STAT1: variants seen among roughly 807,000 people sequenced by gnomAD.
The protein encoded by STAT1 is signal transducer and activator of transcription 1.
Under a neutral mutation model 111.7 loss-of-function variants are expected in STAT1, and 24 were observed. The observed-to-expected ratio is 0.21, with a 90% CI of 0.16 to 0.30. The LOEUF (loss-of-function observed/expected upper bound fraction) is 0.30. Ranked by LOEUF, STAT1 falls within the 10% of genes least tolerant of loss-of-function variation. The probability of loss-of-function intolerance (pLI) is 1.00; values close to 1 mark genes in which losing one functional copy is unlikely to be tolerated. For missense variants in STAT1, 351 were observed against 911.9 expected (o/e 0.38, Z 7.92); for synonymous variants, 332 against 326.5 (o/e 1.02, Z -0.18).
chr2:190,999,575 G>T lies in STAT1; in HGVS notation c.541+51C>A. On this transcript the variant is annotated intron_variant, in intron 7 of 24. Transcript: ENST00000361099. The surrounding 1 kb of genome is among the most constrained non-coding windows in gnomAD (Gnocchi z 4.1). ...AGTAATCATCTTCGTTATCTAGTGT[G>T]AACAGAAAAAATTGCAGCCAACGGG... 1 of 1,276,666 alleles carries T rather than the reference G, an allele frequency of 7.8e-7. No homozygotes were observed. The highest frequency in any genetic ancestry group is 1.2e-5 in the South Asian group (1 of 84,104). The allele number at this position is 1,276,666 out of a possible 1,614,324, so 79.1% of individuals were successfully genotyped here.
At position 190,985,677 on chromosome 2, in the gene STAT1, C is replaced by A. The variant is rs776229726; in HGVS notation, c.1222-17G>T. 3 of 1,613,548 alleles carry A rather than the reference C, an allele frequency of 1.9e-6. No homozygotes were observed. Among genetic ancestry groups the A allele is most frequent in the South Asian group, 1.1e-5 (1 of 91,040 alleles). ...TTTCAATTGCTATAAAACAAATAAT[C>A]ATCTTAGTAAACACCATGGTAATGG... is the stretch of plus-strand genomic sequence containing the variant. On this transcript the variant is annotated splice_polypyrimidine_tract_variant and intron_variant, in intron 14 of 24. Coordinates refer to ENST00000361099, the MANE Select transcript of STAT1 (RefSeq NM_007315.4).
intron 6 of STAT1, 55 bp downstream of exon 6, chr2:191,001,019 T>G: frequency 1.4e-6 from 2 of 1,421,062 alleles, no homozygotes; most frequent in Non-Finnish European, 9.9e-7. Context: ...AATTGAAACC[T>G]TTTTTCCCCT....
rs375805469 is a variant in STAT1, at chr2:190,989,578, A to C, written c.1097+37T>G. Reference sequence around the variant, plus strand: ...TGAGTAACAAAATCAACATTTCAATAGTACATGTATGTTATATAATGTTAA... The same window carrying C: ...TGAGTAACAAAATCAACATTTCAATCGTACATGTATGTTATATAATGTTAA... On this transcript the variant is annotated intron_variant, in intron 12 of 24. Transcript: ENST00000361099. The surrounding 1 kb of genome is among the most constrained non-coding windows in gnomAD (Gnocchi z 5.0). The C allele has an allele frequency of 1.6e-6, 2 of 1,229,584 alleles. No homozygotes were observed. Among genetic ancestry groups the C allele is most frequent in the Non-Finnish European group, 2.3e-6 (2 of 857,476 alleles). The allele number at this position is 1,229,584 out of a possible 1,614,324, so 76.2% of individuals were successfully genotyped here.
At position 191,007,574 on chromosome 2, in the gene STAT1, T is replaced by C; in HGVS notation, c.361A>G (p.Arg121Gly). The C allele has an allele frequency of 1.2e-6, 2 of 1,612,840 alleles. No individual in the cohort carries two copies. The highest frequency in any genetic ancestry group is 1.7e-6 in the Non-Finnish European group (2 of 1,179,060). Residue 121 changes from arginine (R) to glycine (G), a missense_variant, in exon 5 of 25, where the codon AGA becomes GGA. Around this residue, in one of 7 missense-constraint regions of STAT1, gnomAD observed 44 missense variants for 144.2 expected, o/e 0.31. Coordinates refer to ENST00000361099, the MANE Select transcript of STAT1 (RefSeq NM_007315.4). The surrounding 1 kb of genome is among the most constrained non-coding windows in gnomAD (Gnocchi z 4.2). ...EERKILENAQRFNQAQSGNIQ... is the reference protein window; with the variant it reads ...EERKILENAQGFNQAQSGNIQ... ...TGAGAAAAAAGTACCTGATTAAATCTCTGGGCGTTTTCCAGAATTTTCCTT... is the reference window on the plus strand; with the variant it reads ...TGAGAAAAAAGTACCTGATTAAATCCCTGGGCGTTTTCCAGAATTTTCCTT...
intron 10 of STAT1, among the ~76,000 whole-genome samples, chr2:190,991,556 T>A (rs554739298): frequency 6.6e-6 from 1 of 152,160 alleles, no homozygotes; most frequent in African/African-American, 2.4e-5. Context: ...AACTATTACA[T>A]TGAAACAAAC....
At chr2:190,994,182 A>G (rs1426094795) in intron 10 of STAT1, among the ~76,000 whole-genome samples, 1 of 152,194 alleles carries the variant, frequency 6.6e-6, no homozygotes, top group Non-Finnish European at 1.5e-5. Flanking sequence ...GAGCCACAGA[A>G]AAGCAAGTAT....
In STAT1 at chr2:190,971,516, G is replaced by A. The variant is rs1385974606; in HGVS notation, c.2239-799C>T. ...CCCCAACAAATAATTCTGAAGCCCC[G>A]AATACCAGTAGCACCAAGACTGAGA... On this transcript the variant is annotated intron_variant, in intron 24 of 24. Coordinates refer to ENST00000361099, the MANE Select transcript of STAT1 (RefSeq NM_007315.4). The surrounding 1 kb of genome is among the most constrained non-coding windows in gnomAD (Gnocchi z 4.1). 3.3e-5 allele frequency among the ~76,000 whole-genome samples: 5 copies of A among 152,166 alleles called. No homozygotes were observed. The highest frequency in any genetic ancestry group is 5.9e-5 in the Non-Finnish European group (4 of 67,994).
In STAT1 at chr2:190,969,946, A is replaced by G. The variant is rs894706086; in HGVS notation, c.*757T>C. 3.2e-4 allele frequency: 49 copies of G among 152,462 alleles called. No individual in the cohort carries two copies. The highest frequency in any genetic ancestry group is 1.1e-3 in the African/African-American group (47 of 41,470). The allele number at this position is 152,462 out of a possible 1,614,324, so 9.4% of individuals were successfully genotyped here. ...AATAATTGTATGTGACCAAGATGAA[A>G]GCAGAATGTATTCAGCTTTGGATAT... On this transcript the variant is annotated 3_prime_UTR_variant, in exon 25 of 25. Coordinates refer to ENST00000361099, the MANE Select transcript of STAT1 (RefSeq NM_007315.4).
Position 190,995,056 on chromosome 2 carries a change from G to A in STAT1, c.944+5C>T. On this transcript the variant is annotated splice_donor_5th_base_variant and intron_variant, in intron 10 of 24. Transcript: ENST00000361099. The surrounding 1 kb of genome is among the most constrained non-coding windows in gnomAD (Gnocchi z 4.2). ...GAAGGTACAAATAAATGTCCCTTGA[G>A]TTACCTCTGAATGAGCTGCTGGAAA... 6.2e-7 allele frequency: 1 copy of A among 1,613,086 alleles called. No homozygotes were observed. Among genetic ancestry groups the A allele is most frequent in the South Asian group, 1.1e-5 (1 of 91,060 alleles).
Position 190,970,834 on chromosome 2 carries a change from G to C in STAT1, c.2239-117C>G. 1.0e-6 allele frequency: 1 copy of C among 979,122 alleles called. No homozygotes were observed. The highest frequency in any genetic ancestry group is 1.6e-6 in the Non-Finnish European group (1 of 620,356). 60.7% of individuals were successfully genotyped at this position (979,122 alleles called of 1,614,324 possible). On this transcript the variant is annotated intron_variant, in intron 24 of 24. Coordinates refer to ENST00000361099, the MANE Select transcript of STAT1 (RefSeq NM_007315.4). This position sits in a 1 kb window ranked among gnomAD's most constrained non-coding sequence, Gnocchi z 5.4. ...AAGTAGTAGGAAGATACTTGCAATG[G>C]CAAATAAATACCGTGGAATAAGAGG...
intron 3 of STAT1, among the ~76,000 whole-genome samples, chr2:191,009,383 C>A (rs564602857): frequency 5.9e-5 from 9 of 151,948 alleles, no homozygotes; most frequent in Non-Finnish European, 1.3e-4. Context: ...AACAGGGGAC[C>A]CTTCACTTTC....
chr2:190,999,129 A>AT lies in STAT1; in HGVS notation c.541+496dup, dbSNP rs1694072185. 6.6e-6 allele frequency among the ~76,000 whole-genome samples: 1 copy of AT among 152,242 alleles called. No individual in the cohort carries two copies. Among genetic ancestry groups the AT allele is most frequent in the Non-Finnish European group, 1.5e-5 (1 of 68,044 alleles). ...AAATACAGTAAAACTGCTTTAAAAC[A>AT]TGAGAAAAATACTGAGCTTATCTGC... On this transcript the variant is annotated intron_variant, in intron 7 of 24. Coordinates refer to ENST00000361099, the MANE Select transcript of STAT1 (RefSeq NM_007315.4). The surrounding 1 kb of genome is among the most constrained non-coding windows in gnomAD (Gnocchi z 4.1).
At chr2:191,001,301 T>C (rs1437196151) in intron 5 of STAT1, 138 bp from the exon 6 acceptor site, 3 of 724,388 alleles carry the variant, frequency 4.1e-6, no homozygotes, top group Non-Finnish European at 2.5e-6. Flanking sequence ...TGTGTCAATA[T>C]GAAATTTTTC....
At chr2:190,992,040 T>C (rs1693387973) in intron 10 of STAT1, among the ~76,000 whole-genome samples, 1 of 152,200 alleles carries the variant, frequency 6.6e-6, no homozygotes, top group Non-Finnish European at 1.5e-5. Flanking sequence ...AAATATTACT[T>C]CCAATAAGTA....
Position 191,007,723 on chromosome 2 carries a change from T to C in STAT1, c.274-62A>G. The stretch of plus-strand genomic sequence containing the variant: ...TGCAGAATGTTTACTTTATTGTGTA[T>C]TGTAAGTTGATATGAATTTGTTTAT... On this transcript the variant is annotated intron_variant, in intron 4 of 24. Coordinates refer to ENST00000361099, the MANE Select transcript of STAT1 (RefSeq NM_007315.4). The surrounding 1 kb of genome is among the most constrained non-coding windows in gnomAD (Gnocchi z 4.2). 1.6e-6 allele frequency: 2 copies of C among 1,227,808 alleles called. No homozygotes were observed. The highest frequency in any genetic ancestry group is 2.4e-5 in the South Asian group (2 of 82,676). 76.1% of individuals were successfully genotyped at this position (1,227,808 alleles called of 1,614,324 possible).
chr2:190,998,353 C>G lies in STAT1; in HGVS notation c.542-45G>C. Reference sequence around the variant, plus strand: ...CAGTAAATATATAAAGAAGACAAAACCAACAAAAGCCAAGATTCATATAAA... The same window carrying G: ...CAGTAAATATATAAAGAAGACAAAAGCAACAAAAGCCAAGATTCATATAAA... On this transcript the variant is annotated intron_variant, in intron 7 of 24. Transcript: ENST00000361099. The surrounding 1 kb of genome is among the most constrained non-coding windows in gnomAD (Gnocchi z 4.1). The G allele has an allele frequency of 7.1e-7, 1 of 1,417,384 alleles. No individual in the cohort carries two copies. The highest frequency in any genetic ancestry group is 1.0e-6 in the Non-Finnish European group (1 of 1,004,304). 87.8% of individuals were successfully genotyped at this position (1,417,384 alleles called of 1,614,324 possible).
In STAT1 at chr2:190,979,910, C is replaced by G. The variant is rs1692228038; in HGVS notation, c.1633-44G>C. 5 of 1,350,926 alleles carry G rather than the reference C, an allele frequency of 3.7e-6. No homozygotes were observed. Among genetic ancestry groups the G allele is most frequent in the African/African-American group, 1.4e-5 (1 of 69,762 alleles). 83.7% of individuals were successfully genotyped at this position (1,350,926 alleles called of 1,614,324 possible). ...AGACATTATGAACAAAAATCTAAAA[C>G]AATGACTTACCATGGCCCCTCCCAC... On this transcript the variant is annotated intron_variant, in intron 19 of 24. Coordinates refer to ENST00000361099, the MANE Select transcript of STAT1 (RefSeq NM_007315.4). This position sits in a 1 kb window ranked among gnomAD's most constrained non-coding sequence, Gnocchi z 5.8.
At chr2:190,972,816 GGT>G (rs34975356) in intron 24 of STAT1, among the ~76,000 whole-genome samples, 16,581 of 136,202 alleles carry the variant, frequency 0.12, 1,028 homozygotes, top group African/African-American at 0.14. Flanking sequence ...GTGTATAGAG[GGT>G]GTGTGTGTGT....
chr2:190,975,308 A>T lies in STAT1; in HGVS notation c.2136-376T>A. ...AATGTCTGGGGAGTCCCTCATCCCT[A>T]CCTTGAGGTTTGAATGCAGATAAAG... On this transcript the variant is annotated intron_variant, in intron 23 of 24. Coordinates refer to ENST00000361099, the MANE Select transcript of STAT1 (RefSeq NM_007315.4). This position sits in a 1 kb window ranked among gnomAD's most constrained non-coding sequence, Gnocchi z 5.9. The T allele has an allele frequency of 2.1e-6, 1 of 479,362 alleles. No homozygotes were observed. The highest frequency in any genetic ancestry group is 4.3e-6 in the Non-Finnish European group (1 of 234,754). The allele number at this position is 479,362 out of a possible 1,614,324, so 29.7% of individuals were successfully genotyped here.
Sources: gnomAD v4.1 joint callset for allele counts (sites outside exome capture counted in the v4.1 genomes callset) on GRCh38, gnomAD v4.1.1 for gene constraint, gnomAD v4.1.1 regional missense constraint, Gnocchi (gnomAD v3.1) non-coding constraint, MANE v1.5 for transcripts, NCBI Gene and HGNC (gene_info 2026-07-23, HGNC 2026-07-21) for gene names.